The following LRRFIP2 variants were observed in gnomAD, a reference collection of about 807,000 sequenced individuals.
LRRFIP2 encodes the protein LRR binding FLII interacting protein 2, also known as leucine-rich repeat flightless-interacting protein 2.
A neutral mutation model predicts 125.9 loss-of-function variants in LRRFIP2; 109 were observed. That is an observed-to-expected ratio of 0.87 (90% CI 0.74 to 1.01). The LOEUF (loss-of-function observed/expected upper bound fraction) is 1.01, where lower values mean the gene tolerates loss of function less well. LRRFIP2 is among the 50% of genes least tolerant of loss of function. The pLI is 0.00. For missense variants in LRRFIP2, 850 were observed against 862.3 expected, an observed-to-expected ratio of 0.99 and a Z score of 0.18; for synonymous variants, 291 against 293.1, an observed-to-expected ratio of 0.99 and a Z score of 0.07.
chr3:37,148,753 T>C, intron 2 of LRRFIP2, 141 bp downstream of exon 2: 2 of 772,424 alleles, frequency 2.6e-6, no homozygotes, highest in South Asian at 4.1e-5. Context: ...AACACACTAT[T>C]TTAGAGACTA....
At chr3:37,074,465 G>A (rs888476783) in intron 20 of LRRFIP2, among the ~76,000 whole-genome samples, 1 of 152,158 alleles carries the variant, frequency 6.6e-6, no homozygotes, top group African/African-American at 2.4e-5. Flanking sequence ...AGGCCTGCAA[G>A]GATGACTAAT....
At chr3:37,106,369 A>G (rs951611365) in intron 13 of LRRFIP2, among the ~76,000 whole-genome samples, 3 of 152,170 alleles carry the variant, frequency 2.0e-5, no homozygotes, top group Admixed American at 6.5e-5. Context: ...TTTACCAGCC[A>G]AAGACTCATC....
At chr3:37,090,214 CT>C (rs948644694) in intron 18 of LRRFIP2, among the ~76,000 whole-genome samples, 1 of 124,770 alleles carries the variant, frequency 8.0e-6, no homozygotes, top group African/African-American at 2.7e-5. Context: ...GTGTATTTTA[CT>C]TTTTTTGTTT....
At chr3:37,148,683 G>A (rs2095923427) in intron 2 of LRRFIP2, among the ~76,000 whole-genome samples, 1 of 152,166 alleles carries the variant, frequency 6.6e-6, no homozygotes, top group Middle Eastern at 3.2e-3. Context: ...AAAATGTGTT[G>A]TTCAGAGATT....
chr3:37,120,765 T>C (rs1175326311), intron 6 of LRRFIP2, among the ~76,000 whole-genome samples: 1 of 151,822 alleles, frequency 6.6e-6, no homozygotes, highest in Admixed American at 6.6e-5. Flanking sequence ...AATGCAATTG[T>C]ACCCTAAAAG....
At chr3:37,095,438 G>GT (rs1559816202) in intron 16 of LRRFIP2, among the ~76,000 whole-genome samples, 1 of 151,986 alleles carries the variant, frequency 6.6e-6, no homozygotes, top group Non-Finnish European at 1.5e-5. Flanking sequence ...TCATTTAAAC[G>GT]TGAGATTATG....
intron 21 of LRRFIP2, 56 bp downstream of exon 21, chr3:37,072,734 T>A: frequency 9.8e-7 from 1 of 1,025,354 alleles, no homozygotes; most frequent in Non-Finnish European, 1.5e-6. Flanking sequence ...CTAGGTTAAA[T>A]TCTACTGTAG....
intron 2 of LRRFIP2, among the ~76,000 whole-genome samples, chr3:37,146,542 A>G (rs146479946): frequency 0.041 from 6,259 of 152,154 alleles, 197 homozygotes; most frequent in African/African-American, 0.077. Flanking sequence ...TTCAGCTCCC[A>G]CTTATAAGTG....
At chr3:37,175,475 G>A (rs943152951), upstream of LRRFIP2, among the ~76,000 whole-genome samples, 25 of 152,276 alleles carry the variant, frequency 1.6e-4, no homozygotes, top group Middle Eastern at 3.4e-3. Flanking sequence ...AAAAGAAGTG[G>A]GTTTCCTTAG....
Position 37,150,326 on chromosome 3 carries a change from G to A in LRRFIP2, c.-55-1288C>T, listed in dbSNP as rs574366669. 1.1e-4 allele frequency among the ~76,000 whole-genome samples: 17 copies of A among 152,286 alleles called. No individual in the cohort carries two copies. The East Asian group carries it at 3.3e-3, about 29-fold the overall frequency. On this transcript the variant is annotated intron_variant, in intron 1 of 27. Transcript: ENST00000336686. ...AAAAATACAAAATTAGCAGGACATG[G>A]TGGTGCATGCCTGTAATCCCAGCTA... is the stretch of plus-strand genomic sequence containing the variant.
intron 2 of LRRFIP2, among the ~76,000 whole-genome samples, chr3:37,139,189 A>G (rs1339868032): frequency 6.6e-6 from 1 of 152,238 alleles, no homozygotes; most frequent in Non-Finnish European, 1.5e-5. Context: ...TTTCCATTTA[A>G]TATTTTCAAA....
intron 15 of LRRFIP2, 33 bp from the exon 16 acceptor site, chr3:37,096,693 A>C: frequency 7.3e-7 from 1 of 1,372,820 alleles, no homozygotes; most frequent in Non-Finnish European, 1.0e-6. Flanking sequence ...ATCAGTAAAG[A>C]TGCTTAGCAA....
In LRRFIP2 at chr3:37,163,293, T is replaced by C. The variant is rs190943056; in HGVS notation, c.-56+11246A>G. On this transcript the variant is annotated intron_variant, in intron 1 of 27. Transcript: ENST00000336686. ...ATATATTTCTTAGGGATACATACCA[T>C]GGCAGAGATTGGCTCATTGTTGACC... 1.2e-4 allele frequency among the ~76,000 whole-genome samples: 19 copies of C among 152,372 alleles called. No homozygotes were observed. The East Asian group carries it at 1.9e-3, about 15-fold the overall frequency.
In LRRFIP2 at chr3:37,145,634, C is replaced by T. The variant is rs779431389; in HGVS notation, c.90+3260G>A. ...CATCATCTGTTTCCTCAGCTGTAAA[C>T]ATGGCTAGTAATAATATCTATCCTA... On this transcript the variant is annotated intron_variant, in intron 2 of 27. Transcript: ENST00000336686. Among the ~76,000 whole-genome samples, 151 of 152,318 alleles carry T rather than the reference C, an allele frequency of 9.9e-4. 1 individual carries two copies. Among genetic ancestry groups the T allele is most frequent in the Non-Finnish European group, 1.3e-3 (86 of 68,036 alleles).
At chr3:37,156,654 A>T (rs2096204439) in intron 1 of LRRFIP2, among the ~76,000 whole-genome samples, 1 of 131,406 alleles carries the variant, frequency 7.6e-6, no homozygotes, top group African/African-American at 2.8e-5. Context: ...AGCCTGGGCG[A>T]CAGAGCGAGA....
At chr3:37,093,718 A>G (rs530828440) in intron 17 of LRRFIP2, among the ~76,000 whole-genome samples, 1 of 152,316 alleles carries the variant, frequency 6.6e-6, no homozygotes, top group South Asian at 2.1e-4. Context: ...TTGTCAGGGT[A>G]AAACTGAATT....
At chr3:37,070,058 T>C (rs942432840) in intron 21 of LRRFIP2, among the ~76,000 whole-genome samples, 3 of 152,016 alleles carry the variant, frequency 2.0e-5, no homozygotes. Context: ...TTTTGTAAGA[T>C]GTTACATTTG....
Position 37,096,577 on chromosome 3 carries a change from T to C in LRRFIP2, c.918+39A>G, listed in dbSNP as rs77410288. ...AACAAGTTACAGATAGCAAGTTTAA[T>C]TGACCTTGAGAATTTCCCTTAGGAA... On this transcript the variant is annotated intron_variant, in intron 16 of 27. Transcript: ENST00000336686. 4.1e-3 allele frequency: 5,308 copies of C among 1,305,558 alleles called. 163 individuals are homozygous for C. The African/African-American group carries it at 0.065, about 16-fold the overall frequency. The allele number at this position is 1,305,558 out of a possible 1,614,324, so 80.9% of individuals were successfully genotyped here. A position where few individuals can be genotyped will look rare whatever the true frequency, so the allele number is the denominator to read the frequency against.
chr3:37,126,232 G>A (rs2095268530), intron 4 of LRRFIP2, among the ~76,000 whole-genome samples: 1 of 152,138 alleles, frequency 6.6e-6, no homozygotes, highest in African/African-American at 2.4e-5. Flanking sequence ...GTTTCACCAT[G>A]TTGGCCAGGC....
Sources: allele counts gnomAD v4.1 joint callset (sites outside exome capture counted in the v4.1 genomes callset), GRCh38; gene constraint gnomAD v4.1.1; transcripts MANE v1.5; gene names NCBI Gene and HGNC (gene_info 2026-07-23, HGNC 2026-07-21).